TAFA4: variants seen among roughly 807,000 people sequenced by gnomAD.
The protein encoded by TAFA4 is chemokine-like protein TAFA-4.
Under a neutral mutation model 21.1 loss-of-function variants are expected in TAFA4, and 20 were observed. That is an observed-to-expected ratio of 0.95 (90% CI 0.67 to 1.38). The LOEUF is 1.38. Ranked by LOEUF, TAFA4 falls within the 40% of genes most tolerant of loss-of-function variation. TAFA4 has a pLI of 0.00. For missense variants in TAFA4, 211 were observed against 180.9 expected (o/e 1.17, Z -0.95); for synonymous variants, 71 against 67.4 (o/e 1.05, Z -0.26).
At chr3:68,900,823 G>A (rs1166283771) in intron 1 of TAFA4, among the ~76,000 whole-genome samples, 2 of 152,154 alleles carry the variant, frequency 1.3e-5, no homozygotes, top group African/African-American at 4.8e-5. Flanking sequence ...TGCAATCACA[G>A]TTTCCACCTT....
At chr3:68,737,975 G>A (rs907921610) in intron 5 of TAFA4, among the ~76,000 whole-genome samples, 3 of 152,168 alleles carry the variant, frequency 2.0e-5, no homozygotes, top group African/African-American at 7.2e-5. Flanking sequence ...ATCTGGCTCT[G>A]GGACTAGCAG....
In TAFA4 at chr3:68,915,057, A is replaced by C. The variant is rs76333747; in HGVS notation, c.-123+17183T>G. On this transcript the variant is annotated intron_variant, in intron 1 of 5. Coordinates refer to ENST00000295569, the MANE Select transcript of TAFA4 (RefSeq NM_182522.5). ...ATATTTACTACATAGCCATTTATAG[A>C]AAAAGTTTGTCAATCCCTGCTGCTC... 3.6e-4 allele frequency among the ~76,000 whole-genome samples: 55 copies of C among 152,274 alleles called. No individual in the cohort carries two copies. In the East Asian group the frequency reaches 9.5e-3, roughly 26 times the overall value.
intron 3 of TAFA4, among the ~76,000 whole-genome samples, chr3:68,850,193 C>T (rs1337586335): frequency 6.6e-6 from 1 of 152,186 alleles, no homozygotes; most frequent in Admixed American, 6.5e-5. Flanking sequence ...GGGTAGGTAT[C>T]ATACAACAGT....
chr3:68,775,084 C>A (rs1703025247), intron 3 of TAFA4, among the ~76,000 whole-genome samples: 1 of 152,040 alleles, frequency 6.6e-6, no homozygotes. Flanking sequence ...ATTTGTCAGA[C>A]CAGGGGAAGA....
chr3:68,852,759 CATT>C (rs1704979540), intron 3 of TAFA4, among the ~76,000 whole-genome samples: 1 of 152,166 alleles, frequency 6.6e-6, no homozygotes, highest in Non-Finnish European at 1.5e-5. Flanking sequence ...AGTTCCCAAA[CATT>C]ATTATGTCAC....
At chr3:68,931,901 C>T (rs1196334458) in intron 1 of TAFA4, among the ~76,000 whole-genome samples, 1 of 152,190 alleles carries the variant, frequency 6.6e-6, no homozygotes, top group Admixed American at 6.5e-5. Flanking sequence ...TCACCACCCC[C>T]TATACCAATT....
chr3:68,816,268 A>T (rs960748406), intron 3 of TAFA4, among the ~76,000 whole-genome samples: 1 of 152,212 alleles, frequency 6.6e-6, no homozygotes, highest in Non-Finnish European at 1.5e-5. Context: ...ATACATATGT[A>T]ACAAACCTGC....
intron 3 of TAFA4, among the ~76,000 whole-genome samples, chr3:68,809,454 A>T (rs1219956862): frequency 6.6e-6 from 1 of 151,594 alleles, no homozygotes; most frequent in Non-Finnish European, 1.5e-5. Flanking sequence ...GATTTTTTTT[A>T]GTTTTGAAAT....
At chr3:68,874,229 T>G (rs1428863070) in intron 3 of TAFA4, among the ~76,000 whole-genome samples, 1 of 152,164 alleles carries the variant, frequency 6.6e-6, no homozygotes, top group Non-Finnish European at 1.5e-5. Context: ...GTAGTCAAAT[T>G]GTTTTTAACT....
At chr3:68,852,798 A>T (rs1253784052) in intron 3 of TAFA4, among the ~76,000 whole-genome samples, 2 of 152,198 alleles carry the variant, frequency 1.3e-5, no homozygotes, top group African/African-American at 2.4e-5. Context: ...GTCACCTACT[A>T]AAAATAAAAT....
At chr3:68,773,607 A>C (rs931726202) in intron 3 of TAFA4, among the ~76,000 whole-genome samples, 2 of 152,174 alleles carry the variant, frequency 1.3e-5, no homozygotes, top group Non-Finnish European at 2.9e-5. Context: ...GAAGCTATGT[A>C]AGGATATGAC....
intron 3 of TAFA4, among the ~76,000 whole-genome samples, chr3:68,837,094 G>A (rs922002321): frequency 2.6e-5 from 4 of 152,214 alleles, no homozygotes; most frequent in Admixed American, 6.5e-5. Context: ...GGCTGCTTTC[G>A]CACTACAGTG....
At chr3:68,856,866 T>C (rs1705081397) in intron 3 of TAFA4, among the ~76,000 whole-genome samples, 1 of 151,988 alleles carries the variant, frequency 6.6e-6, no homozygotes. Flanking sequence ...AGAAAATGGG[T>C]ACACCTGGAA....
At chr3:68,844,125 T>G (rs1178505024) in intron 3 of TAFA4, among the ~76,000 whole-genome samples, 1 of 152,144 alleles carries the variant, frequency 6.6e-6, no homozygotes, top group Non-Finnish European at 1.5e-5. Flanking sequence ...TGGTAGAATT[T>G]GGCAGTGAAT....
chr3:68,891,877 A>G (rs2089733942), intron 1 of TAFA4, among the ~76,000 whole-genome samples: 1 of 152,356 alleles, frequency 6.6e-6, no homozygotes, highest in African/African-American at 2.4e-5. Flanking sequence ...AGTTGCTTAA[A>G]TAACACAATC....
At chr3:68,766,188 C>T (rs1702851307) in intron 3 of TAFA4, among the ~76,000 whole-genome samples, 1 of 151,980 alleles carries the variant, frequency 6.6e-6, no homozygotes, top group South Asian at 2.1e-4. Flanking sequence ...TACAATATGC[C>T]AGGTACCTAA....
chr3:68,903,893 A>T (rs2089870169), intron 1 of TAFA4, among the ~76,000 whole-genome samples: 3 of 152,144 alleles, frequency 2.0e-5, no homozygotes, highest in Admixed American at 2.0e-4. Context: ...GCAATATCAC[A>T]GCTGCCTCCT....
chr3:68,911,058 G>T (rs1467595345), intron 1 of TAFA4, among the ~76,000 whole-genome samples: 1 of 152,146 alleles, frequency 6.6e-6, no homozygotes, highest in African/African-American at 2.4e-5. Context: ...CTCTTCTGCT[G>T]AATTTACATT....
At chr3:68,746,435 T>A (rs1386473002) in intron 4 of TAFA4, among the ~76,000 whole-genome samples, 1 of 152,216 alleles carries the variant, frequency 6.6e-6, no homozygotes, top group Non-Finnish European at 1.5e-5. Flanking sequence ...ACTGCAACTA[T>A]GAACAGAAAA....
Sources: gnomAD v4.1 joint callset for allele counts (sites outside exome capture counted in the v4.1 genomes callset) on GRCh38, gnomAD v4.1.1 for gene constraint, MANE v1.5 for transcripts, NCBI Gene and HGNC (gene_info 2026-07-23, HGNC 2026-07-21) for gene names.